RELN: variants seen among roughly 807,000 people sequenced by gnomAD.
The protein encoded by RELN is reelin.
In RELN, 108 loss-of-function variants were observed where a neutral mutation model predicts 427.6. That is an observed-to-expected ratio of 0.25 (90% CI 0.22 to 0.30). The LOEUF is 0.30. RELN is among the 10% of genes least tolerant of loss of function. RELN has a pLI of 1.00. For synonymous variants in RELN, 1,524 were observed against 1,513.4 expected (o/e 1.01, Z -0.16); for missense variants, 3,715 against 4,302.8 (o/e 0.86, Z 3.82).
intron 52 of RELN, among the ~76,000 whole-genome samples, chr7:103,501,988 G>T (rs1829044715): frequency 6.6e-6 from 1 of 152,168 alleles, no homozygotes; most frequent in African/African-American, 2.4e-5. Flanking sequence ...AGCAAAACCA[G>T]CCTGAGAGAG....
At chr7:103,901,129 G>A (rs28860292) in intron 2 of RELN, among the ~76,000 whole-genome samples, 64,777 of 151,538 alleles carry the variant, frequency 0.43, 14,224 homozygotes, top group East Asian at 0.75. Flanking sequence ...GAAGATGTAC[G>A]ATGGTCAATA....
chr7:103,595,349 C>T (rs1438539823), intron 25 of RELN, among the ~76,000 whole-genome samples: 1 of 152,176 alleles, frequency 6.6e-6, no homozygotes, highest in Non-Finnish European at 1.5e-5. Context: ...CCACCCTTTT[C>T]CTATGATATC....
Position 103,520,961 on chromosome 7 carries a change from T to A in RELN, c.7668+1061A>T, listed in dbSNP as rs903423811. Among the ~76,000 whole-genome samples the A allele has an allele frequency of 7.1e-5, 7 of 98,206 alleles. 1 individual carries two copies. The highest frequency in any genetic ancestry group is 1.0e-4 in the Non-Finnish European group (5 of 48,614). The allele number at this position is 98,206 out of a possible 152,430, so 64.4% of individuals were successfully genotyped here. A position where few individuals can be genotyped will look rare whatever the true frequency, so the allele number is the denominator to read the frequency against. On this transcript the variant is annotated intron_variant, in intron 48 of 64. Transcript: ENST00000428762. ...AGAGCTGGCAGTAAATTTGTTATTTTTTTTTTTTTTTTTTTTTTTTTTTTT... is the reference window on the plus strand; with the variant it reads ...AGAGCTGGCAGTAAATTTGTTATTTATTTTTTTTTTTTTTTTTTTTTTTTT...
chr7:103,516,286 CTTT>C (rs3051646), intron 49 of RELN, among the ~76,000 whole-genome samples: 3 of 141,090 alleles, frequency 2.1e-5, no homozygotes, highest in Non-Finnish European at 3.1e-5. Context: ...CACAAAGTAT[CTTT>C]TTTTTTTTTT....
intron 1 of RELN, among the ~76,000 whole-genome samples, chr7:103,923,666 C>A (rs928544496): frequency 6.6e-6 from 1 of 152,112 alleles, no homozygotes; most frequent in Non-Finnish European, 1.5e-5. Flanking sequence ...CCTATCTATT[C>A]CAACAACAAA....
At chr7:103,689,983 C>T (rs947556732) in intron 10 of RELN, among the ~76,000 whole-genome samples, 2 of 152,108 alleles carry the variant, frequency 1.3e-5, no homozygotes, top group Non-Finnish European at 2.9e-5. Context: ...GAAAACTGAA[C>T]ATTGAGCATC....
intron 10 of RELN, among the ~76,000 whole-genome samples, chr7:103,697,229 T>C (rs543825993): frequency 1.3e-5 from 2 of 152,260 alleles, no homozygotes; most frequent in South Asian, 4.2e-4. Context: ...GGCCCACCTC[T>C]AATGCCATTG....
chr7:103,942,335 C>T (rs1252773904), intron 1 of RELN, among the ~76,000 whole-genome samples: 1 of 152,184 alleles, frequency 6.6e-6, no homozygotes, highest in Non-Finnish European at 1.5e-5. Context: ...ATTCTATTCT[C>T]TGCTTCTGTG....
At chr7:103,483,872 T>C (rs768441879) in intron 61 of RELN, 22 bp from the exon 62 acceptor site, 2 of 1,609,192 alleles carry the variant, frequency 1.2e-6, no homozygotes, top group Admixed American at 1.7e-5. Flanking sequence ...AGGGAAATCA[T>C]CTTTATTTTT....
At chr7:103,661,284 G>A (rs982440669) in intron 12 of RELN, 92 bp downstream of exon 12, 22 of 1,335,960 alleles carry the variant, frequency 1.6e-5, no homozygotes, top group Middle Eastern at 1.8e-4. Flanking sequence ...TTCATTTTAC[G>A]TAGTTGACAA....
intron 8 of RELN, among the ~76,000 whole-genome samples, chr7:103,713,411 A>G (rs1789854154): frequency 6.6e-6 from 1 of 152,208 alleles, no homozygotes; most frequent in Non-Finnish European, 1.5e-5. Flanking sequence ...TTCTAGATAG[A>G]TTAATGGAGA....
intron 2 of RELN, among the ~76,000 whole-genome samples, chr7:103,846,116 T>G (rs39388): frequency 0.37 from 56,258 of 152,034 alleles, 10,817 homozygotes; most frequent in Non-Finnish European, 0.43. Flanking sequence ...AGAGCCCATA[T>G]AGCCAAGACA....
intron 3 of RELN, among the ~76,000 whole-genome samples, chr7:103,815,437 T>C (rs569921579): frequency 2.6e-4 from 39 of 152,350 alleles, no homozygotes; most frequent in Admixed American, 4.6e-4. Context: ...TGTGACTTGA[T>C]GCATGAAACA....
intron 28 of RELN, among the ~76,000 whole-genome samples, chr7:103,581,335 A>G (rs1426520381): frequency 2.0e-5 from 3 of 152,076 alleles, no homozygotes; most frequent in Non-Finnish European, 4.4e-5. Flanking sequence ...GAGTGGGAGT[A>G]TCTCTTGTGG....
At chr7:103,674,733 C>G (rs919921253) in intron 11 of RELN, among the ~76,000 whole-genome samples, 2 of 152,142 alleles carry the variant, frequency 1.3e-5, no homozygotes, top group African/African-American at 4.8e-5. Flanking sequence ...TGGTTCAACA[C>G]ATGCAAATCA....
At chr7:103,617,234 G>A (rs1435685628) in intron 20 of RELN, among the ~76,000 whole-genome samples, 1 of 152,036 alleles carries the variant, frequency 6.6e-6, no homozygotes, top group Non-Finnish European at 1.5e-5. Context: ...TTTACTTACT[G>A]ATTTGTAAGA....
intron 2 of RELN, among the ~76,000 whole-genome samples, chr7:103,913,304 A>G (rs1337229608): frequency 2.6e-5 from 4 of 152,194 alleles, no homozygotes; most frequent in Admixed American, 6.5e-5. Flanking sequence ...ACAAGTAGGA[A>G]AAAAACTTTC....
At chr7:103,951,410 T>C (rs1018237657) in intron 1 of RELN, among the ~76,000 whole-genome samples, 30 of 152,214 alleles carry the variant, frequency 2.0e-4, no homozygotes, top group African/African-American at 5.8e-4. Context: ...GTCTTATCAT[T>C]ATGGAATGAC....
At chr7:103,852,117 G>C (rs1208169380) in intron 2 of RELN, among the ~76,000 whole-genome samples, 1 of 152,144 alleles carries the variant, frequency 6.6e-6, no homozygotes, top group African/African-American at 2.4e-5. Context: ...ACTTGTCATA[G>C]TCCATTTACT....
Sources: gnomAD v4.1 joint callset for allele counts (sites outside exome capture counted in the v4.1 genomes callset) on GRCh38, gnomAD v4.1.1 for gene constraint, MANE v1.5 for transcripts, NCBI Gene and HGNC (gene_info 2026-07-23, HGNC 2026-07-21) for gene names.